Variants in DENND5B observed in about 807,000 individuals in gnomAD.
DENND5B encodes the protein DENN domain containing 5B.
In DENND5B, 34 loss-of-function variants were observed where a neutral mutation model predicts 140.6. The observed-to-expected ratio is 0.24, with a 90% confidence interval of 0.18 to 0.32. The LOEUF is 0.32. Among genes scored for constraint, DENND5B ranks in the 10% least tolerant of loss-of-function variants. The pLI is 1.00. For synonymous variants in DENND5B, 551 were observed against 562.1 expected, an observed-to-expected ratio of 0.98 and a Z score of 0.28; for missense variants, 1,142 against 1,560.2, an observed-to-expected ratio of 0.73 and a Z score of 4.52.
intron 20 of DENND5B, among the ~76,000 whole-genome samples, chr12:31,388,526 A>AC (rs1940962704): frequency 6.6e-6 from 1 of 152,084 alleles, no homozygotes; most frequent in Admixed American, 6.6e-5. Flanking sequence ...GACATTAGTA[A>AC]CCCATTGCTA....
chr12:31,457,882 T>C (rs1004954114), intron 4 of DENND5B, among the ~76,000 whole-genome samples: 4 of 151,726 alleles, frequency 2.6e-5, no homozygotes, highest in African/African-American at 2.4e-5. Flanking sequence ...CCCGGCTATT[T>C]TTTTTGTATT....
intron 11 of DENND5B, among the ~76,000 whole-genome samples, chr12:31,417,073 A>AAG (rs36057238): frequency 6.8e-6 from 1 of 147,824 alleles, no homozygotes; most frequent in Non-Finnish European, 1.5e-5. Context: ...AAAAAAAAAA[A>AAG]AGGCCAGGCG....
chr12:31,409,731 G>A (rs953990627), intron 13 of DENND5B, among the ~76,000 whole-genome samples: 29 of 151,778 alleles, frequency 1.9e-4, no homozygotes, highest in South Asian at 6.3e-4. Flanking sequence ...CATCTGCCTC[G>A]GCCTCCCAAA....
At chr12:31,451,691 G>A (rs2138123559) in intron 5 of DENND5B, 3 of 437,354 alleles carry the variant, frequency 6.9e-6, no homozygotes, top group Non-Finnish European at 1.2e-5. Flanking sequence ...GCAATTTAAC[G>A]CACAATTTAA....
At chr12:31,470,825 A>C (rs1254824266) in intron 3 of DENND5B, among the ~76,000 whole-genome samples, 1 of 152,134 alleles carries the variant, frequency 6.6e-6, no homozygotes, top group African/African-American at 2.4e-5. Context: ...AGGCTCATGG[A>C]AACCTGTGGT....
At chr12:31,529,943 G>A (rs1212662003) in intron 1 of DENND5B, among the ~76,000 whole-genome samples, 1 of 152,034 alleles carries the variant, frequency 6.6e-6, no homozygotes, top group African/African-American at 2.4e-5. Context: ...TCCAGAAGAA[G>A]GATCTAGAAA....
At chr12:31,451,804 T>C (rs1007346856) in intron 5 of DENND5B, 136 bp downstream of exon 5, 3 of 1,035,966 alleles carry the variant, frequency 2.9e-6, no homozygotes, top group African/African-American at 3.2e-5. Context: ...AGACAAAAAG[T>C]CTGCATTTAA....
At position 31,383,383 on chromosome 12, in the gene DENND5B, C is replaced by A. The variant is rs1212100248; in HGVS notation, c.*4220G>T. ...TAGTCTTGAACCTCTTTTTCACTTACATTTACATATAACAGTGCTTTATTG... is the reference window on the plus strand; with the variant it reads ...TAGTCTTGAACCTCTTTTTCACTTAAATTTACATATAACAGTGCTTTATTG... On this transcript the variant is annotated 3_prime_UTR_variant, in exon 21 of 21. Transcript: ENST00000389082. 2.0e-5 allele frequency: 3 copies of A among 152,128 alleles called. No individual in the cohort carries two copies. The highest frequency in any genetic ancestry group is 4.4e-5 in the Non-Finnish European group (3 of 68,024). The allele number at this position is 152,128 out of a possible 1,614,324, so 9.4% of individuals were successfully genotyped here. A position where few individuals can be genotyped will look rare whatever the true frequency, so the allele number is the denominator to read the frequency against.
intron 1 of DENND5B, among the ~76,000 whole-genome samples, chr12:31,500,966 T>C (rs1430586709): frequency 1.3e-5 from 2 of 152,122 alleles, no homozygotes; most frequent in African/African-American, 2.4e-5. Flanking sequence ...TGATAAGTAC[T>C]CATCAAAACT....
At chr12:31,551,684 TC>T (rs1194967998) in intron 1 of DENND5B, among the ~76,000 whole-genome samples, 2 of 152,244 alleles carry the variant, frequency 1.3e-5, no homozygotes, top group Non-Finnish European at 2.9e-5. Context: ...TATTGATTCT[TC>T]CTACCCATGA....
chr12:31,490,409 C>T (rs1481414753), intron 2 of DENND5B, among the ~76,000 whole-genome samples: 1 of 151,880 alleles, frequency 6.6e-6, no homozygotes, highest in African/African-American at 2.4e-5. Context: ...TCCAGGAGTT[C>T]GAGAGTAGCC....
At chr12:31,584,571 T>G (rs1453689732) in intron 1 of DENND5B, among the ~76,000 whole-genome samples, 1 of 152,086 alleles carries the variant, frequency 6.6e-6, no homozygotes, top group Non-Finnish European at 1.5e-5. Context: ...CCCAGCACTT[T>G]GGGAGGCCAA....
chr12:31,554,298 T>G (rs1458440380), intron 1 of DENND5B, among the ~76,000 whole-genome samples: 8 of 152,162 alleles, frequency 5.3e-5, no homozygotes, highest in South Asian at 2.1e-4. Context: ...GTCTGTAAAG[T>G]ATTTTATTTC....
intron 2 of DENND5B, among the ~76,000 whole-genome samples, chr12:31,485,155 G>A (rs1012851117): frequency 1.3e-5 from 2 of 152,172 alleles, no homozygotes; most frequent in Non-Finnish European, 2.9e-5. Flanking sequence ...CCTGCAGCGG[G>A]CACTGGTCAA....
chr12:31,409,874 A>C (rs1387272161), intron 13 of DENND5B, among the ~76,000 whole-genome samples: 2 of 152,040 alleles, frequency 1.3e-5, no homozygotes, highest in African/African-American at 4.8e-5. Flanking sequence ...GGACTCAAGA[A>C]ATCCTCCTGC....
At chr12:31,533,971 G>A (rs183832010) in intron 1 of DENND5B, among the ~76,000 whole-genome samples, 3 of 151,618 alleles carry the variant, frequency 2.0e-5, no homozygotes, top group Non-Finnish European at 4.4e-5. Flanking sequence ...AACTGGCTAT[G>A]GTAATGTAGA....
At chr12:31,418,383 G>C (rs867684216) in intron 11 of DENND5B, among the ~76,000 whole-genome samples, 2 of 149,306 alleles carry the variant, frequency 1.3e-5, no homozygotes, top group African/African-American at 4.9e-5. Context: ...CGGGCTAAGC[G>C]ATCCTCCAAC....
rs1318036302 is a variant in DENND5B at position 31,384,473 on chromosome 12, A to G, written c.*3130T>C. 2 of 152,214 alleles carry G rather than the reference A, an allele frequency of 1.3e-5. No homozygotes were observed. Among genetic ancestry groups the G allele is most frequent in the Non-Finnish European group, 1.5e-5 (1 of 68,042 alleles). 9.4% of individuals were successfully genotyped at this position (152,214 alleles called of 1,614,324 possible). Reference sequence around the variant, plus strand: ...GATTGACTGCCATTGGGAATATTCAAAAGAATGGGGGTACTGGCCATTCAA... The same window carrying G: ...GATTGACTGCCATTGGGAATATTCAGAAGAATGGGGGTACTGGCCATTCAA... On this transcript the variant is annotated 3_prime_UTR_variant, in exon 21 of 21. Coordinates refer to ENST00000389082, the MANE Select transcript of DENND5B (RefSeq NM_144973.4).
chr12:31,423,598 T>G lies in DENND5B; in HGVS notation c.2469A>C (p.Pro823=). 1 of 1,613,870 alleles carries G rather than the reference T, an allele frequency of 6.2e-7. No individual in the cohort carries two copies. Among genetic ancestry groups the G allele is most frequent in the Non-Finnish European group, 8.5e-7 (1 of 1,179,824 alleles). The part of the protein sequence containing the change: ...EEKQEHLAES[P]VALGPERRKS... ...AGTTCTTTACCAATGATGTCATACC[T>G]GGTGATTCTGCAAGGTGCTCTTGTT... Residue 823 remains proline (P), a splice_region_variant and synonymous_variant, in exon 11 of 21, where the codon CCA becomes CCC. Transcript: ENST00000389082.
Sources: allele counts gnomAD v4.1 joint callset (sites outside exome capture counted in the v4.1 genomes callset), GRCh38; gene constraint gnomAD v4.1.1; transcripts MANE v1.5; gene names NCBI Gene and HGNC (gene_info 2026-07-23, HGNC 2026-07-21).